The following CHSY3 variants were observed in gnomAD, a reference collection of about 807,000 sequenced individuals.
CHSY3 encodes the protein chondroitin sulfate synthase 3.
A neutral mutation model predicts 67.2 loss-of-function variants in CHSY3; 35 were observed. That is an observed-to-expected ratio of 0.52 (90% CI 0.40 to 0.69). CHSY3 has a LOEUF of 0.69. Ranked by LOEUF, CHSY3 falls within the 30% of genes least tolerant of loss-of-function variation. CHSY3 has a pLI of 0.00. For synonymous variants in CHSY3, 474 were observed against 434.7 expected, an observed-to-expected ratio of 1.09 and a Z score of -1.12; for missense variants, 1,069 against 1,138.5, an observed-to-expected ratio of 0.94 and a Z score of 0.88.
In CHSY3 at chr5:130,183,413, C is replaced by T. The variant is rs113250767; in HGVS notation, c.1087-816C>T. ...CACCTTATCTTACCAAGAACTTACT[C>T]GGTAAAAATAGTATATCAGGATGCT... On this transcript the variant is annotated intron_variant, in intron 2 of 2. Coordinates refer to ENST00000305031, the MANE Select transcript of CHSY3 (RefSeq NM_175856.5). Among the ~76,000 whole-genome samples, 383 of 152,150 alleles carry T rather than the reference C, an allele frequency of 2.5e-3. 1 individual carries two copies. Among genetic ancestry groups the T allele is most frequent in the African/African-American group, 8.8e-3 (365 of 41,500 alleles).
intron 2 of CHSY3, among the ~76,000 whole-genome samples, chr5:130,160,981 T>C (rs908182809): frequency 4.0e-5 from 6 of 151,302 alleles, no homozygotes; most frequent in Non-Finnish European, 4.4e-5. Context: ...CTCGGCTCAC[T>C]GCAAGCTCCA....
At chr5:129,994,118 G>A (rs993106532) in intron 2 of CHSY3, among the ~76,000 whole-genome samples, 5 of 152,092 alleles carry the variant, frequency 3.3e-5, no homozygotes, top group Non-Finnish European at 5.9e-5. Context: ...TGGGTAACCC[G>A]ACCTTTCTCT....
intron 2 of CHSY3, among the ~76,000 whole-genome samples, chr5:129,981,043 GAAAATACAAAAAAA>G: frequency 1.9e-5 from 1 of 53,778 alleles, no homozygotes; most frequent in South Asian, 9.2e-4. Flanking sequence ...CGTCTCTACT[GAAAATACAAAAAAA>G]AAAAAAAAAA....
At chr5:129,914,170 C>G (rs2431191) in intron 2 of CHSY3, among the ~76,000 whole-genome samples, 136,930 of 152,156 alleles carry the variant, frequency 0.9, 61,743 homozygotes, top group East Asian at 1. Context: ...GAGTGCAATG[C>G]TGCAATCTTG....
chr5:130,184,423 A>T lies in CHSY3; in HGVS notation c.1281A>T (p.Glu427Asp), dbSNP rs1296495800. Residue 427 changes from glutamate (E) to aspartate (D), a missense_variant, in exon 3 of 3, where the codon GAA (glutamate) becomes GAT (aspartate). Physicochemically the swap from Glu to Asp is conservative, Grantham distance 45. Transcript: ENST00000305031. Reference protein sequence around the residue: ...LRYRTIQLHRESALMSKLSNT... With the variant: ...LRYRTIQLHRDSALMSKLSNT... ...ACCGCACCATCCAGCTCCACAGGGA[A>T]AGTGCCCTGATGAGCAAGCTCAGTA... 6.2e-7 allele frequency: 1 copy of T among 1,613,602 alleles called. No homozygotes were observed. Among genetic ancestry groups the T allele is most frequent in the Non-Finnish European group, 8.5e-7 (1 of 1,179,626 alleles).
rs116106331 is a variant in CHSY3 at position 129,984,809 on chromosome 5, C to T, written c.1086+76449C>T. On this transcript the variant is annotated intron_variant, in intron 2 of 2. Transcript: ENST00000305031. ...CATTTTTTCATATGCTTGACTGTTA[C>T]GTATATGTCTTCTTTTGAGAAGTGC... is the stretch of plus-strand genomic sequence containing the variant. 9.5e-3 allele frequency among the ~76,000 whole-genome samples: 1,448 copies of T among 152,136 alleles called. 21 individuals are homozygous for T. Among genetic ancestry groups the T allele is most frequent in the African/African-American group, 0.033 (1,355 of 41,516 alleles).
intron 2 of CHSY3, among the ~76,000 whole-genome samples, chr5:130,011,990 T>C (rs1267739616): frequency 6.6e-6 from 1 of 152,214 alleles, no homozygotes; most frequent in African/African-American, 2.4e-5. Context: ...AAACATCCCA[T>C]GCTCATGAAT....
intron 2 of CHSY3, among the ~76,000 whole-genome samples, chr5:129,972,305 A>C (rs539798549): frequency 1.3e-5 from 2 of 152,020 alleles, no homozygotes; most frequent in Admixed American, 6.6e-5. Context: ...AAAAATCATG[A>C]GTGAGAAGGG....
intron 2 of CHSY3, among the ~76,000 whole-genome samples, chr5:129,911,535 G>A (rs1760548452): frequency 6.6e-6 from 1 of 152,144 alleles, no homozygotes; most frequent in Non-Finnish European, 1.5e-5. Flanking sequence ...TAAATTTTCA[G>A]TAGATGTTAG....
chr5:130,078,793 C>A lies in CHSY3; in HGVS notation c.1087-105436C>A, dbSNP rs561861712. On this transcript the variant is annotated intron_variant, in intron 2 of 2. Transcript: ENST00000305031. ...GAACCTTCAGTGATGCTCAGCTGGG[C>A]TCCGAAGGAGAGGGAAGAAGACAGG... is the stretch of plus-strand genomic sequence containing the variant. Among the ~76,000 whole-genome samples the A allele has an allele frequency of 3.9e-5, 6 of 152,250 alleles. No homozygotes were observed. The South Asian group carries it at 1.2e-3, about 32-fold the overall frequency.
intron 2 of CHSY3, among the ~76,000 whole-genome samples, chr5:130,176,928 C>T (rs564103680): frequency 5.3e-5 from 8 of 151,998 alleles, no homozygotes; most frequent in Non-Finnish European, 1.0e-4. Flanking sequence ...CACCATGGCA[C>T]GTGTATACCT....
intron 2 of CHSY3, among the ~76,000 whole-genome samples, chr5:130,125,945 G>T (rs1768268164): frequency 6.6e-6 from 1 of 152,090 alleles, no homozygotes; most frequent in African/African-American, 2.4e-5. Flanking sequence ...TAAATGAAAT[G>T]TTGCTTCCCA....
chr5:130,158,400 T>C (rs1769431331), intron 2 of CHSY3, among the ~76,000 whole-genome samples: 1 of 152,220 alleles, frequency 6.6e-6, no homozygotes, highest in South Asian at 2.1e-4. Flanking sequence ...AGGTGCTGTA[T>C]CCTGTTCTTA....
rs1199439788 is a variant in CHSY3 at position 130,185,546 on chromosome 5, G to A, written c.2404G>A (p.Gly802Ser). 1 of 1,614,118 alleles carries A rather than the reference G, an allele frequency of 6.2e-7. No individual in the cohort carries two copies. Among genetic ancestry groups the A allele is most frequent in the Non-Finnish European group, 8.5e-7 (1 of 1,179,988 alleles). Residue 802 changes from glycine (G) to serine (S), a missense_variant, in exon 3 of 3, where the codon GGC (glycine) becomes AGC (serine). Gly to Ser is a moderately conservative substitution (Grantham distance 56). Transcript: ENST00000305031. ...GAGGFDTSIQ[G>S]WGLEDVDLYN... Reference sequence around the variant, plus strand: ...AGGTGGATTTGATACCTCAATACAAGGCTGGGGACTAGAAGATGTAGATCT... The same window carrying A: ...AGGTGGATTTGATACCTCAATACAAAGCTGGGGACTAGAAGATGTAGATCT...
chr5:129,930,509 G>GC (rs1491588442), intron 2 of CHSY3, among the ~76,000 whole-genome samples: 20 of 65,938 alleles, frequency 3.0e-4, no homozygotes, highest in African/African-American at 1.8e-3. Flanking sequence ...CATCACTGGC[G>GC]GGGGGGGGGT....
intron 2 of CHSY3, among the ~76,000 whole-genome samples, chr5:129,958,461 C>A (rs1032837748): frequency 2.0e-5 from 3 of 152,090 alleles, no homozygotes; most frequent in African/African-American, 7.2e-5. Flanking sequence ...CAATGATTGA[C>A]CCCCAAGCCT....
In CHSY3 at chr5:130,184,292, A is replaced by T; in HGVS notation, c.1150A>T (p.Asn384Tyr). Residue 384 changes from asparagine (N) to tyrosine (Y), a missense_variant, in exon 3 of 3, where the codon AAT becomes TAT. Transcript: ENST00000305031. ...GAAGGGTTACATCCAAGACCTTCAC[A>T]ATAGCAAAATCCATGCAGCCATAAC... ...NRKGYIQDLH[N>Y]SKIHAAITLH... 1 of 1,613,810 alleles carries T rather than the reference A, an allele frequency of 6.2e-7. No homozygotes were observed. Among genetic ancestry groups the T allele is most frequent in the Non-Finnish European group, 8.5e-7 (1 of 1,179,824 alleles).
intron 2 of CHSY3, among the ~76,000 whole-genome samples, chr5:130,067,404 C>T (rs979347114): frequency 5.9e-5 from 9 of 152,268 alleles, no homozygotes; most frequent in African/African-American, 2.2e-4. Flanking sequence ...CATGTGTGCA[C>T]TCAAATATTT....
At chr5:130,150,096 G>A (rs1343909808) in intron 2 of CHSY3, among the ~76,000 whole-genome samples, 1 of 152,100 alleles carries the variant, frequency 6.6e-6, no homozygotes, top group African/African-American at 2.4e-5. Context: ...ATTTTGTAAA[G>A]TAAGTATTTA....
Sources: gnomAD v4.1 joint callset for allele counts (sites outside exome capture counted in the v4.1 genomes callset) on GRCh38, gnomAD v4.1.1 for gene constraint, MANE v1.5 for transcripts, NCBI Gene and HGNC (gene_info 2026-07-23, HGNC 2026-07-21) for gene names.